The following CLCN5 variants were observed in gnomAD, a reference collection of about 807,000 sequenced individuals.
CLCN5 encodes Cl-/H+ antiporter 5, also known as H(+)/Cl(-) exchange transporter 5.
Under a neutral mutation model 54.0 loss-of-function variants are expected in CLCN5, and 17 were observed. The observed-to-expected ratio is 0.31, with a 90% CI of 0.22 to 0.47. CLCN5 has a LOEUF of 0.47. Among genes scored for constraint, CLCN5 ranks in the 20% least tolerant of loss-of-function variants. The pLI is 1.00. For synonymous variants in CLCN5, 222 were observed against 233.0 expected (o/e 0.95, Z 0.43); for missense variants, 448 against 646.7 (o/e 0.69, Z 3.33).
chrX:50,070,723 G>A (rs1407004747), intron 5 of CLCN5, among the ~76,000 whole-genome samples: 1 of 111,722 alleles, frequency 9.0e-6, no homozygotes, highest in East Asian at 2.8e-4. Flanking sequence ...GTAATAGATG[G>A]TACTTATGGC....
intron 4 of CLCN5, among the ~76,000 whole-genome samples, chrX:50,051,245 C>T (rs1444163309): frequency 3.6e-5 from 4 of 112,062 alleles, no homozygotes; most frequent in African/African-American, 9.7e-5. Flanking sequence ...ATACTTATGC[C>T]TAGTCATTGC....
chrX:50,081,902 A>G, intron 9 of CLCN5, 55 bp downstream of exon 9: 1 of 1,040,086 alleles, frequency 9.6e-7, no homozygotes, highest in Non-Finnish European at 1.3e-6. Flanking sequence ...AAATGATACA[A>G]TCTTAGGGGG....
chrX:49,956,737 C>A (rs2147297788), intron 3 of CLCN5, among the ~76,000 whole-genome samples: 1 of 112,122 alleles, frequency 8.9e-6, no homozygotes, highest in South Asian at 3.8e-4. Context: ...TTTTAACCTA[C>A]ATTATAATTA....
chrX:49,929,471 G>A (rs1243833495), intron 3 of CLCN5, among the ~76,000 whole-genome samples: 4 of 111,653 alleles, frequency 3.6e-5, no homozygotes, highest in Non-Finnish European at 5.6e-5. Flanking sequence ...CCCTAGAGAC[G>A]CAATGGTCAG....
intron 4 of CLCN5, among the ~76,000 whole-genome samples, chrX:50,046,680 G>C (rs976921081): frequency 9.0e-6 from 1 of 111,521 alleles, no homozygotes; most frequent in Non-Finnish European, 1.9e-5. Context: ...TGAACTAAAA[G>C]CAGAGGAATG....
chrX:50,029,851 G>T (rs927799195), intron 3 of CLCN5, among the ~76,000 whole-genome samples: 1 of 111,966 alleles, frequency 8.9e-6, no homozygotes, highest in Non-Finnish European at 1.9e-5. Flanking sequence ...TCTAGAAATA[G>T]AAATACCATT....
rs782674538 is a variant in CLCN5 at position 49,925,254 on chromosome X, G to T, written c.-45G>T. 13 of 1,198,970 alleles carry T rather than the reference G, an allele frequency of 1.1e-5. No individual in the cohort carries two copies. In the African/African-American group the frequency reaches 1.9e-4, roughly 18 times the overall value. ...CTCCCTACAAAACTGAGAGGCTCTG[G>T]GAAACTCAGCCTGTGACCCCAGCGT... On this transcript the variant is annotated 5_prime_UTR_variant, in exon 3 of 15. Transcript: ENST00000376091.
At chrX:49,946,184 G>A in intron 3 of CLCN5, among the ~76,000 whole-genome samples, 1 of 112,383 alleles carries the variant, frequency 8.9e-6, no homozygotes. Context: ...CTTTGTCCAA[G>A]TAATTAATAA....
chrX:50,050,863 C>T (rs1932562132), intron 4 of CLCN5, among the ~76,000 whole-genome samples: 1 of 109,776 alleles, frequency 9.1e-6, no homozygotes, highest in Non-Finnish European at 1.9e-5. Context: ...GAGGTTTCAC[C>T]ATGTTAGCCA....
At position 50,072,505 on chromosome X, in the gene CLCN5, A is replaced by G. The variant is rs1283938282; in HGVS notation, c.332A>G (p.Lys111Arg). Residue 111 changes from lysine to arginine, a missense_variant, in exon 6 of 15, where the codon AAA (lysine) becomes AGA (arginine). This residue lies in a region of CLCN5 where 41 missense variants were observed against 71.3 expected (regional missense o/e 0.58). Coordinates refer to ENST00000376091, the MANE Select transcript of CLCN5 (RefSeq NM_001127898.4). ...TTCCCCTAGATTACCAATAAAAGCAAAGAGTCAACATGGGCCTTAATTCAC... is the reference window on the plus strand; with the variant it reads ...TTCCCCTAGATTACCAATAAAAGCAGAGAGTCAACATGGGCCTTAATTCAC... ...DRHREITNKSKESTWALIHSV... is the reference protein window; with the variant it reads ...DRHREITNKSRESTWALIHSV... 3.0e-5 allele frequency: 36 copies of G among 1,202,519 alleles called. No individual in the cohort carries two copies. Among genetic ancestry groups the G allele is most frequent in the Admixed American group, 2.0e-4 (9 of 45,762 alleles).
At chrX:49,981,334 A>T (rs1356547187) in intron 3 of CLCN5, among the ~76,000 whole-genome samples, 1 of 111,280 alleles carries the variant, frequency 9.0e-6, no homozygotes, top group Non-Finnish European at 1.9e-5. Context: ...TCTTATTCTA[A>T]TTTCTGATTT....
intron 7 of CLCN5, among the ~76,000 whole-genome samples, chrX:50,079,943 CA>C (rs782577592): frequency 3.6e-5 from 4 of 111,166 alleles, no homozygotes; most frequent in Non-Finnish European, 7.5e-5. Context: ...ACCACACATA[CA>C]AAGAAAGGTA....
intron 3 of CLCN5, among the ~76,000 whole-genome samples, chrX:49,946,555 T>C (rs1176709504): frequency 8.9e-6 from 1 of 111,923 alleles, no homozygotes; most frequent in African/African-American, 3.3e-5. Context: ...CAGCGAGGGA[T>C]AAAGTCTCAG....
At chrX:50,008,597 T>C in intron 3 of CLCN5, 1 of 299,436 alleles carries the variant, frequency 3.3e-6, no homozygotes, top group Non-Finnish European at 7.0e-6. Flanking sequence ...TTTCTGTATA[T>C]GATACTAAGT....
At chrX:50,040,356 T>C (rs1261030401) in intron 3 of CLCN5, among the ~76,000 whole-genome samples, 1 of 111,935 alleles carries the variant, frequency 8.9e-6, no homozygotes, top group Non-Finnish European at 1.9e-5. Context: ...GAGGAAGTTG[T>C]TTTATGGTCA....
Position 50,096,683 on chromosome X carries a change from A to T in CLCN5, c.*4464A>T, listed in dbSNP as rs1439004918. Reference sequence around the variant, plus strand: ...CCCTTTGGAGAAGAAACTAAAAGTTATGGCCATAGAAAAAGCCCTGGTAAG... The same window carrying T: ...CCCTTTGGAGAAGAAACTAAAAGTTTTGGCCATAGAAAAAGCCCTGGTAAG... On this transcript the variant is annotated 3_prime_UTR_variant, in exon 15 of 15. Coordinates refer to ENST00000376091, the MANE Select transcript of CLCN5 (RefSeq NM_001127898.4). 8.9e-6 allele frequency: 1 copy of T among 112,883 alleles called. No individual in the cohort carries two copies. Among genetic ancestry groups the T allele is most frequent in the Non-Finnish European group, 1.9e-5 (1 of 53,206 alleles). The allele number at this position is 112,883 out of a possible 1,213,427, so 9.3% of individuals were successfully genotyped here. A position where few individuals can be genotyped will look rare whatever the true frequency, so the allele number is the denominator to read the frequency against.
At chrX:50,090,567 T>C (rs1197374028) in intron 13 of CLCN5, 53 bp downstream of exon 13, 1 of 1,166,968 alleles carries the variant, frequency 8.6e-7, no homozygotes, top group East Asian at 3.1e-5. Context: ...TCAATAAATA[T>C]GCCTGAAATG....
Position 49,944,904 on chromosome X carries a change from A to T in CLCN5, c.16+19590A>T, listed in dbSNP as rs544298511. ...ATATTGCAAAGTAGTCATAATATTT[A>T]TCATGTGATATGTTATCACCCTCTT... On this transcript the variant is annotated intron_variant, in intron 3 of 14. Transcript: ENST00000376091. 1.8e-4 allele frequency among the ~76,000 whole-genome samples: 20 copies of T among 112,097 alleles called. No individual in the cohort carries two copies. The South Asian group carries it at 7.1e-3, about 40-fold the overall frequency.
At chrX:49,986,520 G>A (rs1030289054) in intron 3 of CLCN5, among the ~76,000 whole-genome samples, 6 of 111,488 alleles carry the variant, frequency 5.4e-5, no homozygotes, top group Non-Finnish European at 9.4e-5. Flanking sequence ...TTAGCTGAAC[G>A]TATATAAAGA....
Sources: gnomAD v4.1 joint callset for allele counts (sites outside exome capture counted in the v4.1 genomes callset) on GRCh38, gnomAD v4.1.1 for gene constraint, gnomAD v4.1.1 regional missense constraint, MANE v1.5 for transcripts, NCBI Gene and HGNC (gene_info 2026-07-23, HGNC 2026-07-21) for gene names.